Variants in GRIK2 observed in about 807,000 individuals in gnomAD.
The protein encoded by GRIK2 is glutamate ionotropic receptor kainate type subunit 2, also known as glutamate receptor ionotropic, kainate 2.
GRIK2 carries 32 observed loss-of-function variants against 100.3 expected under a neutral mutation model. The ratio of observed to expected loss-of-function variants is 0.32; its 90% CI spans 0.24 to 0.43. The LOEUF (loss-of-function observed/expected upper bound fraction) is 0.43. Among genes scored for constraint, GRIK2 ranks in the 20% least tolerant of loss-of-function variants. The probability of loss-of-function intolerance (pLI) is 1.00; values close to 1 mark genes in which losing one functional copy is unlikely to be tolerated. For missense variants in GRIK2, 843 were observed against 1,114.9 expected, an observed-to-expected ratio of 0.76 and a Z score of 3.47; for synonymous variants, 417 against 389.4, an observed-to-expected ratio of 1.07 and a Z score of -0.83.
chr6:102,020,786 G>A lies in GRIK2; in HGVS notation c.2086-14555G>A, dbSNP rs539605018. On this transcript the variant is annotated intron_variant, in intron 14 of 16. Transcript: ENST00000369134. ...TATGCATTATTTTACTTAAAATACCGTGACATTTTTCAAAAAGAAAGACTA... is the reference window on the plus strand; with the variant it reads ...TATGCATTATTTTACTTAAAATACCATGACATTTTTCAAAAAGAAAGACTA... Among the ~76,000 whole-genome samples, 15 of 151,812 alleles carry A rather than the reference G, an allele frequency of 9.9e-5. No homozygotes were observed. In the South Asian group the frequency reaches 1.9e-3, roughly 19 times the overall value.
intron 2 of GRIK2, among the ~76,000 whole-genome samples, chr6:101,439,507 G>C (rs1769927721): frequency 6.6e-6 from 1 of 152,004 alleles, no homozygotes; most frequent in African/African-American, 2.4e-5. Flanking sequence ...ACATTTTACA[G>C]CTAACTAGGT....
chr6:101,780,248 A>C (rs1461505486), intron 7 of GRIK2, among the ~76,000 whole-genome samples: 1 of 152,104 alleles, frequency 6.6e-6, no homozygotes, highest in Non-Finnish European at 1.5e-5. Flanking sequence ...GACACCCCCT[A>C]AACTGTGAGA....
At chr6:101,904,179 T>A (rs1230571593) in intron 12 of GRIK2, among the ~76,000 whole-genome samples, 1 of 145,626 alleles carries the variant, frequency 6.9e-6, no homozygotes, top group Non-Finnish European at 1.5e-5. Flanking sequence ...TCAATTTTTT[T>A]ATCTTCATCG....
intron 2 of GRIK2, among the ~76,000 whole-genome samples, chr6:101,614,537 C>T (rs890511051): frequency 9.9e-5 from 15 of 151,492 alleles, no homozygotes; most frequent in African/African-American, 3.6e-4. Context: ...ATATCCATGG[C>T]ATGTCATTTA....
intron 2 of GRIK2, among the ~76,000 whole-genome samples, chr6:101,533,889 T>C (rs1250388498): frequency 6.6e-6 from 1 of 151,970 alleles, no homozygotes; most frequent in African/African-American, 2.4e-5. Flanking sequence ...GAATATAGCT[T>C]TATAACATTT....
rs1770509787 is a variant in GRIK2 at position 101,448,741 on chromosome 6, CTG to C, written c.115+49353_115+49354del. Among the ~76,000 whole-genome samples the C allele has an allele frequency of 2.0e-5, 3 of 151,554 alleles. No individual in the cohort carries two copies. In the Admixed American group the frequency reaches 2.0e-4, roughly 10 times the overall value. On this transcript the variant is annotated intron_variant, in intron 2 of 16. Transcript: ENST00000369134. ...AGCCTGAGAGAAAGGAACAGACACA[CTG>C]TGTTTCTTCCAAACACAGAAACACA...
At chr6:101,652,400 C>G (rs1310064398) in intron 4 of GRIK2, among the ~76,000 whole-genome samples, 1 of 152,090 alleles carries the variant, frequency 6.6e-6, no homozygotes, top group Admixed American at 6.6e-5. Flanking sequence ...CCTGATGATA[C>G]GGGCATCCTG....
Position 101,802,450 on chromosome 6 carries a change from A to G in GRIK2, c.1203+12A>G. ...AAGGTCTAGAAAAGGTATTTCAGTG[A>G]GCTTATTTGCTTTAATTACTAAATG... On this transcript the variant is annotated intron_variant, in intron 9 of 16. Coordinates refer to ENST00000369134, the MANE Select transcript of GRIK2 (RefSeq NM_021956.5). 1 of 1,206,756 alleles carries G rather than the reference A, an allele frequency of 8.3e-7. No homozygotes were observed. 74.8% of individuals were successfully genotyped at this position (1,206,756 alleles called of 1,614,324 possible). A position where few individuals can be genotyped will look rare whatever the true frequency, so the allele number is the denominator to read the frequency against.
At chr6:102,002,485 A>G (rs1413735189) in intron 14 of GRIK2, among the ~76,000 whole-genome samples, 1 of 149,918 alleles carries the variant, frequency 6.7e-6, no homozygotes, top group Admixed American at 6.7e-5. Flanking sequence ...ATGTATGGAT[A>G]TATGTTTTTA....
intron 2 of GRIK2, among the ~76,000 whole-genome samples, chr6:101,449,252 C>T (rs1350013921): frequency 6.6e-5 from 10 of 151,624 alleles, no homozygotes. Context: ...AAGTATCTCT[C>T]TCATTTGTAA....
intron 2 of GRIK2, among the ~76,000 whole-genome samples, chr6:101,497,638 CAT>C (rs1194240661): frequency 6.6e-6 from 1 of 151,970 alleles, no homozygotes. Flanking sequence ...ATATACCTAA[CAT>C]ATTAAAGTTT....
At chr6:101,675,668 A>G (rs1362386701) in intron 4 of GRIK2, among the ~76,000 whole-genome samples, 2 of 152,190 alleles carry the variant, frequency 1.3e-5, no homozygotes, top group Non-Finnish European at 2.9e-5. Flanking sequence ...TTTAAAATGC[A>G]TCACAGTTAT....
chr6:101,966,739 T>C (rs573828361), intron 14 of GRIK2, among the ~76,000 whole-genome samples: 2 of 152,256 alleles, frequency 1.3e-5, no homozygotes, highest in African/African-American at 4.8e-5. Context: ...ATAGGATATC[T>C]TATGAATAAA....
chr6:101,545,842 A>T (rs2128290263), intron 2 of GRIK2, among the ~76,000 whole-genome samples: 1 of 152,258 alleles, frequency 6.6e-6, no homozygotes, highest in East Asian at 1.9e-4. Flanking sequence ...TTTCATAATT[A>T]GCTGTATTAT....
chr6:101,450,472 G>T (rs917019280), intron 2 of GRIK2, among the ~76,000 whole-genome samples: 1 of 151,798 alleles, frequency 6.6e-6, no homozygotes, highest in Non-Finnish European at 1.5e-5. Flanking sequence ...GAAGTCTCAA[G>T]ACCTCCTCAA....
chr6:101,740,417 A>C (rs1775946558), intron 7 of GRIK2, among the ~76,000 whole-genome samples: 1 of 150,298 alleles, frequency 6.7e-6, no homozygotes, highest in Non-Finnish European at 1.5e-5. Flanking sequence ...AATAACAGCA[A>C]TTTTTAAAAG....
intron 4 of GRIK2, among the ~76,000 whole-genome samples, chr6:101,670,089 T>A (rs1770315072): frequency 6.6e-6 from 1 of 151,992 alleles, no homozygotes; most frequent in Non-Finnish European, 1.5e-5. Flanking sequence ...AGTAAGCCAT[T>A]TTTTTTAAAA....
At chr6:102,040,890 G>GT (rs1424003348) in intron 15 of GRIK2, among the ~76,000 whole-genome samples, 1 of 151,506 alleles carries the variant, frequency 6.6e-6, no homozygotes, top group African/African-American at 2.4e-5. Context: ...CTTTCTGCAG[G>GT]TCAGCCCTTC....
At chr6:102,026,236 C>T (rs186262470) in intron 14 of GRIK2, among the ~76,000 whole-genome samples, 15 of 147,122 alleles carry the variant, frequency 1.0e-4, no homozygotes, top group East Asian at 6.0e-4. Context: ...AAACAAGCAA[C>T]GAGAATAAAT....
Sources: gnomAD v4.1 joint callset for allele counts (sites outside exome capture counted in the v4.1 genomes callset) on GRCh38, gnomAD v4.1.1 for gene constraint, MANE v1.5 for transcripts, NCBI Gene and HGNC (gene_info 2026-07-23, HGNC 2026-07-21) for gene names.